The following PTPRC variants were observed in gnomAD, a reference collection of about 807,000 sequenced individuals.
PTPRC encodes the protein protein tyrosine phosphatase receptor type C, also known as receptor-type tyrosine-protein phosphatase C.
PTPRC carries 44 observed loss-of-function variants against 155.9 expected under a neutral mutation model. The observed-to-expected ratio is 0.28, with a 90% CI of 0.22 to 0.36. The LOEUF is 0.36. PTPRC is among the 10% of genes least tolerant of loss of function. The pLI is 1.00. For missense variants in PTPRC, 1,401 were observed against 1,564.6 expected, an observed-to-expected ratio of 0.90 and a Z score of 1.76; for synonymous variants, 525 against 533.1, an observed-to-expected ratio of 0.98 and a Z score of 0.21.
At chr1:198,662,917 T>C (rs1339836319) in intron 2 of PTPRC, among the ~76,000 whole-genome samples, 1 of 152,188 alleles carries the variant, frequency 6.6e-6, no homozygotes, top group African/African-American at 2.4e-5. Context: ...AACCATTCCC[T>C]CTCTGCAGTT....
intron 2 of PTPRC, among the ~76,000 whole-genome samples, chr1:198,666,327 G>A (rs1664306304): frequency 2.0e-5 from 3 of 151,856 alleles, no homozygotes; most frequent in Non-Finnish European, 4.4e-5. Flanking sequence ...AGACAACCAT[G>A]TGTATGTGTG....
chr1:198,737,516 G>A (rs1654705295), intron 23 of PTPRC, among the ~76,000 whole-genome samples: 1 of 151,208 alleles, frequency 6.6e-6, no homozygotes, highest in South Asian at 2.1e-4. Flanking sequence ...TTGTTTCATT[G>A]CTCTATGTAT....
chr1:198,650,810 A>G (rs1436255869), intron 2 of PTPRC, among the ~76,000 whole-genome samples: 1 of 151,876 alleles, frequency 6.6e-6, no homozygotes, highest in Non-Finnish European at 1.5e-5. Flanking sequence ...TGGAAGAGAC[A>G]CAAGGAGGAG....
intron 2 of PTPRC, among the ~76,000 whole-genome samples, chr1:198,691,241 C>T (rs761309974): frequency 6.6e-6 from 1 of 152,076 alleles, no homozygotes; most frequent in Non-Finnish European, 1.5e-5. Context: ...CTACAAACCT[C>T]TATATTCAAA....
intron 9 of PTPRC, 89 bp downstream of exon 9, chr1:198,707,041 G>A: frequency 9.0e-7 from 1 of 1,110,214 alleles, no homozygotes; most frequent in African/African-American, 1.6e-5. Flanking sequence ...GAGCTAGTCT[G>A]GTGAGAGAAC....
At chr1:198,689,421 C>T (rs777196188) in intron 2 of PTPRC, among the ~76,000 whole-genome samples, 37 of 152,160 alleles carry the variant, frequency 2.4e-4, no homozygotes, top group Non-Finnish European at 4.4e-4. Flanking sequence ...GAAACTCTAT[C>T]TATAGTTGGT....
intron 2 of PTPRC, among the ~76,000 whole-genome samples, chr1:198,643,030 A>C (rs1296157373): frequency 6.6e-6 from 1 of 150,468 alleles, no homozygotes; most frequent in African/African-American, 2.4e-5. Context: ...TAGTTTTAAC[A>C]CCCACCTCTA....
At chr1:198,709,965 C>A in intron 11 of PTPRC, 141 bp downstream of exon 11, 1 of 1,143,600 alleles carries the variant, frequency 8.7e-7, no homozygotes, top group Non-Finnish European at 1.2e-6. Flanking sequence ...CAATGAAGCG[C>A]AATTTATCTA....
At chr1:198,680,522 T>C (rs1665260267) in intron 2 of PTPRC, among the ~76,000 whole-genome samples, 1 of 151,560 alleles carries the variant, frequency 6.6e-6, no homozygotes, top group Non-Finnish European at 1.5e-5. Context: ...TTATATAAAG[T>C]TCAGAGGAAT....
intron 2 of PTPRC, among the ~76,000 whole-genome samples, chr1:198,662,067 A>C (rs963305119): frequency 3.9e-5 from 6 of 152,204 alleles, no homozygotes; most frequent in Non-Finnish European, 8.8e-5. Flanking sequence ...CTGGTCAGCC[A>C]GTTTTTATAT....
chr1:198,685,093 C>T (rs1014789326), intron 2 of PTPRC, among the ~76,000 whole-genome samples: 1 of 151,930 alleles, frequency 6.6e-6, no homozygotes, highest in African/African-American at 2.4e-5. Context: ...TCACTAAAAT[C>T]CTTTGCTTCT....
chr1:198,748,449 G>T (rs370661126), intron 27 of PTPRC, among the ~76,000 whole-genome samples: 29 of 151,634 alleles, frequency 1.9e-4, no homozygotes, highest in African/African-American at 7.0e-4. Context: ...TTCAGAAATG[G>T]GTTGTCATAA....
chr1:198,725,393 T>C (rs1482629534), intron 15 of PTPRC, among the ~76,000 whole-genome samples: 3 of 152,222 alleles, frequency 2.0e-5, no homozygotes, highest in Non-Finnish European at 4.4e-5. Context: ...AGATTTCCTA[T>C]GATATTGCTG....
At chr1:198,711,175 C>G (rs777562621) in intron 11 of PTPRC, among the ~76,000 whole-genome samples, 16 of 152,154 alleles carry the variant, frequency 1.1e-4, no homozygotes, top group Non-Finnish European at 2.2e-4. Context: ...AAGAGGCTGC[C>G]TAAATCCTTG....
At chr1:198,733,096 T>A (rs762340767) in intron 20 of PTPRC, among the ~76,000 whole-genome samples, 2 of 151,810 alleles carry the variant, frequency 1.3e-5, no homozygotes, top group Non-Finnish European at 2.9e-5. Context: ...CCGTACGTGG[T>A]TAATTTATTT....
At chr1:198,656,825 C>CA (rs1336742837) in intron 2 of PTPRC, among the ~76,000 whole-genome samples, 1 of 151,508 alleles carries the variant, frequency 6.6e-6, no homozygotes, top group Non-Finnish European at 1.5e-5. Flanking sequence ...TATGTTCTGC[C>CA]AGATGGAGAT....
chr1:198,681,290 A>T (rs1214533040), intron 2 of PTPRC, among the ~76,000 whole-genome samples: 4 of 152,242 alleles, frequency 2.6e-5, no homozygotes, highest in Non-Finnish European at 5.9e-5. Flanking sequence ...ACAGCATGGA[A>T]AATGGTTACC....
chr1:198,699,113 G>T (rs1666342773), intron 4 of PTPRC, among the ~76,000 whole-genome samples: 1 of 151,988 alleles, frequency 6.6e-6, no homozygotes, highest in Admixed American at 6.6e-5. Context: ...ATACCTTTTG[G>T]CCCTTCTGTA....
intron 2 of PTPRC, among the ~76,000 whole-genome samples, chr1:198,659,516 A>C (rs1663814050): frequency 6.6e-6 from 1 of 151,332 alleles, no homozygotes; most frequent in Admixed American, 6.6e-5. Flanking sequence ...TAATGACCAA[A>C]CCAACATGGC....
Sources: allele counts gnomAD v4.1 joint callset (sites outside exome capture counted in the v4.1 genomes callset), GRCh38; gene constraint gnomAD v4.1.1; transcripts MANE v1.5; gene names NCBI Gene and HGNC (gene_info 2026-07-23, HGNC 2026-07-21).